TRPC5: variants seen among roughly 807,000 people sequenced by gnomAD.
The protein encoded by TRPC5 is transient receptor potential cation channel subfamily C member 5, also known as short transient receptor potential channel 5.
TRPC5 carries 9 observed loss-of-function variants against 56.5 expected under a neutral mutation model. The ratio of observed to expected loss-of-function variants is 0.16; its 90% CI spans 0.10 to 0.28. The LOEUF (loss-of-function observed/expected upper bound fraction) is 0.28, where lower values mean the gene tolerates loss of function less well. Ranked by LOEUF, TRPC5 falls within the 10% of genes least tolerant of loss-of-function variation. TRPC5 has a pLI of 1.00. For synonymous variants in TRPC5, 282 were observed against 278.5 expected (o/e 1.01, Z -0.13); for missense variants, 469 against 748.9 (o/e 0.63, Z 4.36).
intron 7 of TRPC5, among the ~76,000 whole-genome samples, chrX:111,828,729 C>G (rs753554359): frequency 1.8e-5 from 2 of 111,294 alleles, no homozygotes; most frequent in Non-Finnish European, 3.8e-5. Context: ...TTGGAGGGCT[C>G]AGAAGAGAGG....
chrX:111,941,604 C>A (rs1407495162), intron 2 of TRPC5, among the ~76,000 whole-genome samples: 2 of 112,112 alleles, frequency 1.8e-5, no homozygotes, highest in African/African-American at 6.5e-5. Flanking sequence ...CAGGGCACTG[C>A]ATAGGCTTGG....
intron 7 of TRPC5, among the ~76,000 whole-genome samples, chrX:111,788,630 G>C (rs1189180294): frequency 1.8e-5 from 2 of 111,816 alleles, no homozygotes; most frequent in Non-Finnish European, 3.8e-5. Context: ...AATTGTCCCT[G>C]TTTGCAGATG....
chrX:111,852,020 C>T (rs1328881647), intron 5 of TRPC5, among the ~76,000 whole-genome samples: 1 of 112,217 alleles, frequency 8.9e-6, no homozygotes, highest in Non-Finnish European at 1.9e-5. Context: ...GCACGGATAT[C>T]GTAGAGAGCA....
At chrX:111,922,155 T>A (rs1926142661) in intron 2 of TRPC5, among the ~76,000 whole-genome samples, 1 of 112,208 alleles carries the variant, frequency 8.9e-6, no homozygotes, top group African/African-American at 3.2e-5. Context: ...GGACACAATC[T>A]GCTAATTGGA....
intron 1 of TRPC5, among the ~76,000 whole-genome samples, chrX:111,954,009 A>G (rs1461037988): frequency 1.8e-5 from 2 of 112,073 alleles, no homozygotes; most frequent in Non-Finnish European, 3.8e-5. Flanking sequence ...CTAAATCCCA[A>G]GAGAAGAGGG....
rs142564663 is a variant in TRPC5, at chrX:111,988,334, G to A, written c.-21-35893C>T. Among the ~76,000 whole-genome samples, 1,037 of 109,963 alleles carry A rather than the reference G, an allele frequency of 9.4e-3. 42 individuals are homozygous for A. The highest frequency in any genetic ancestry group is 0.088 in the Admixed American group (915 of 10,389). ...GTGCCATATGCCTGTCAGTCAGTTGGTGAAAAAAACTGTCTTGTCCCTAGC... is the reference window on the plus strand; with the variant it reads ...GTGCCATATGCCTGTCAGTCAGTTGATGAAAAAAACTGTCTTGTCCCTAGC... On this transcript the variant is annotated intron_variant, in intron 1 of 10. Coordinates refer to ENST00000262839, the MANE Select transcript of TRPC5 (RefSeq NM_012471.3).
intron 1 of TRPC5, among the ~76,000 whole-genome samples, chrX:112,029,074 A>AG (rs1360683147): frequency 8.9e-6 from 1 of 112,015 alleles, no homozygotes; most frequent in East Asian, 2.8e-4. Flanking sequence ...ATCACATAGT[A>AG]GGTCTTACTT....
intron 1 of TRPC5, among the ~76,000 whole-genome samples, chrX:112,051,940 T>C (rs1602413577): frequency 8.9e-6 from 1 of 112,137 alleles, no homozygotes; most frequent in Non-Finnish European, 1.9e-5. Context: ...CTCATTGCAG[T>C]GTGTGTCAGA....
At chrX:111,895,740 C>T (rs775006293) in intron 3 of TRPC5, among the ~76,000 whole-genome samples, 88 of 111,247 alleles carry the variant, frequency 7.9e-4, no homozygotes, top group African/African-American at 2.8e-3. Context: ...GCCAGTACTA[C>T]GCTGTCTTAA....
chrX:111,924,465 C>CT (rs770547338), intron 2 of TRPC5, among the ~76,000 whole-genome samples: 3 of 107,654 alleles, frequency 2.8e-5, no homozygotes, highest in African/African-American at 3.4e-5. Flanking sequence ...AAGGAGAGGC[C>CT]TTTAAAAAAA....
At chrX:111,863,176 G>GA (rs199673002) in intron 3 of TRPC5, among the ~76,000 whole-genome samples, 1 of 111,002 alleles carries the variant, frequency 9.0e-6, no homozygotes, top group African/African-American at 3.3e-5. Context: ...GAACATAGGG[G>GA]AAAAAAAATC....
chrX:111,787,416 G>C (rs139800759), intron 7 of TRPC5, among the ~76,000 whole-genome samples: 10,132 of 110,872 alleles, frequency 0.091, 1,100 homozygotes, highest in African/African-American at 0.31. Flanking sequence ...AGTGTGTAGA[G>C]GGAAATTTAT....
chrX:111,927,697 T>C (rs910555446), intron 2 of TRPC5, among the ~76,000 whole-genome samples: 3 of 111,390 alleles, frequency 2.7e-5, no homozygotes, highest in Non-Finnish European at 5.7e-5. Flanking sequence ...AGTGGACATG[T>C]ATCTCATGGC....
chrX:112,039,262 T>C (rs1469734761), intron 1 of TRPC5, among the ~76,000 whole-genome samples: 1 of 111,698 alleles, frequency 9.0e-6, no homozygotes, highest in Admixed American at 9.5e-5. Flanking sequence ...GAGAAATATA[T>C]AAAAGGCATA....
chrX:111,777,876 T>C lies in TRPC5; in HGVS notation c.2233-874A>G, dbSNP rs137865250. Among the ~76,000 whole-genome samples the C allele has an allele frequency of 3.7e-3, 415 of 112,772 alleles. 3 individuals carry two copies. The highest frequency in any genetic ancestry group is 0.013 in the African/African-American group (395 of 31,089). On this transcript the variant is annotated intron_variant, in intron 10 of 10. Coordinates refer to ENST00000262839, the MANE Select transcript of TRPC5 (RefSeq NM_012471.3). Reference sequence around the variant, plus strand: ...AAGTCCCAGATGAGCGTCCCTCCTCTCTGTGTTTCCACAGTGTCCTGTGTT... The same window carrying C: ...AAGTCCCAGATGAGCGTCCCTCCTCCCTGTGTTTCCACAGTGTCCTGTGTT...
intron 1 of TRPC5, among the ~76,000 whole-genome samples, chrX:112,079,231 A>T (rs1930906686): frequency 8.9e-6 from 1 of 112,251 alleles, no homozygotes; most frequent in African/African-American, 3.2e-5. Context: ...GAAATGCTTC[A>T]ATCTACCACC....
At chrX:111,830,750 T>A (rs1922383988) in intron 7 of TRPC5, among the ~76,000 whole-genome samples, 1 of 111,879 alleles carries the variant, frequency 8.9e-6, no homozygotes, top group Admixed American at 9.5e-5. Flanking sequence ...GAACTGTGAG[T>A]CAATTAAAAC....
chrX:112,057,915 T>G (rs765929173), intron 1 of TRPC5, among the ~76,000 whole-genome samples: 1 of 111,768 alleles, frequency 8.9e-6, no homozygotes, highest in East Asian at 2.8e-4. Flanking sequence ...CCAAGATGGC[T>G]TCATTTCAGG....
In TRPC5 at chrX:111,961,340, A is replaced by G. The variant is rs1286473811; in HGVS notation, c.-21-8899T>C. The stretch of plus-strand genomic sequence containing the variant: ...GCATTTTTAAATTAACTCATCCTTA[A>G]TACACATTTTTCTACCCAGTTTTCT... On this transcript the variant is annotated intron_variant, in intron 1 of 10. Transcript: ENST00000262839. Among the ~76,000 whole-genome samples the G allele has an allele frequency of 7.1e-5, 8 of 112,022 alleles. No individual in the cohort carries two copies. The East Asian group carries it at 2.3e-3, about 32-fold the overall frequency.
Sources: allele counts gnomAD v4.1 joint callset (sites outside exome capture counted in the v4.1 genomes callset), GRCh38; gene constraint gnomAD v4.1.1; transcripts MANE v1.5; gene names NCBI Gene and HGNC (gene_info 2026-07-23, HGNC 2026-07-21).